SFMBT1: variants seen among roughly 807,000 people sequenced by gnomAD.
The protein encoded by SFMBT1 is scm-like with four MBT domains protein 1.
In SFMBT1, 32 loss-of-function variants were observed where a neutral mutation model predicts 108.7. The ratio of observed to expected loss-of-function variants is 0.29; its 90% CI spans 0.22 to 0.40. The LOEUF (loss-of-function observed/expected upper bound fraction) is 0.40. SFMBT1 is among the 10% of genes least tolerant of loss of function. SFMBT1 has a pLI of 1.00. For missense variants in SFMBT1, 816 were observed against 1,059.6 expected (o/e 0.77, Z 3.19); for synonymous variants, 348 against 369.5 (o/e 0.94, Z 0.67).
At chr3:52,916,074 G>C in intron 14 of SFMBT1, 76 bp downstream of exon 14, 2 of 1,267,572 alleles carry the variant, frequency 1.6e-6, no homozygotes, top group Non-Finnish European at 2.3e-6. Context: ...CAAATGTACT[G>C]TTTTAAGTTA....
rs183240576 is a variant in SFMBT1, at chr3:52,917,727, A to G, written c.1415+757T>C. On this transcript the variant is annotated intron_variant, in intron 13 of 20. Transcript: ENST00000394752. The stretch of plus-strand genomic sequence containing the variant: ...GTGTGAACCCCATTGTGAACTGTGC[A>G]TGTGAGGGATCTAGATTGCATGCCC... Among the ~76,000 whole-genome samples, 911 of 152,288 alleles carry G rather than the reference A, an allele frequency of 6.0e-3. 79 individuals carry two copies. The South Asian group carries it at 0.17, about 28-fold the overall frequency.
chr3:52,981,310 C>T (rs1704702456), intron 1 of SFMBT1, among the ~76,000 whole-genome samples: 1 of 152,050 alleles, frequency 6.6e-6, no homozygotes, highest in Non-Finnish European at 1.5e-5. Context: ...AAATGAGTTC[C>T]CCAATGCCAG....
chr3:52,920,436 T>C, intron 12 of SFMBT1, 101 bp downstream of exon 12: 1 of 802,450 alleles, frequency 1.2e-6, no homozygotes, highest in South Asian at 1.6e-5. Context: ...AACCAGAATG[T>C]CATTTTTTTT....
intron 1 of SFMBT1, among the ~76,000 whole-genome samples, chr3:53,023,100 G>A (rs1229912413): frequency 6.6e-6 from 1 of 152,150 alleles, no homozygotes; most frequent in Admixed American, 6.5e-5. Flanking sequence ...CATAAAGTGA[G>A]AAGAGGAAAA....
At chr3:52,921,657 C>T (rs764340685) in intron 11 of SFMBT1, 48 bp downstream of exon 11, 12 of 1,599,062 alleles carry the variant, frequency 7.5e-6, no homozygotes, top group Non-Finnish European at 1.0e-5. Flanking sequence ...AAACAGGAAG[C>T]TCAAAGGAGA....
At chr3:52,946,143 A>C (rs1444421388) in intron 3 of SFMBT1, among the ~76,000 whole-genome samples, 1 of 152,280 alleles carries the variant, frequency 6.6e-6, no homozygotes, top group Non-Finnish European at 1.5e-5. Context: ...AATATTCCAC[A>C]AATAGTTGAC....
intron 1 of SFMBT1, among the ~76,000 whole-genome samples, chr3:52,990,128 T>A (rs1298585486): frequency 6.6e-6 from 1 of 152,174 alleles, no homozygotes; most frequent in Non-Finnish European, 1.5e-5. Flanking sequence ...ATGGGCTTAG[T>A]TGGTCAAAAC....
intron 17 of SFMBT1, among the ~76,000 whole-genome samples, chr3:52,909,721 T>C (rs996373534): frequency 3.3e-5 from 5 of 152,212 alleles, no homozygotes; most frequent in Admixed American, 1.3e-4. Flanking sequence ...CCAAGTGACA[T>C]AGGGCTTGTA....
At chr3:52,998,007 G>A (rs181841801) in intron 1 of SFMBT1, among the ~76,000 whole-genome samples, 10 of 150,696 alleles carry the variant, frequency 6.6e-5, no homozygotes, top group Admixed American at 2.0e-4. Context: ...CACCTTAGAT[G>A]TATAGTTCTG....
At chr3:52,909,947 C>T (rs969585833) in intron 17 of SFMBT1, among the ~76,000 whole-genome samples, 1 of 152,188 alleles carries the variant, frequency 6.6e-6, no homozygotes, top group Non-Finnish European at 1.5e-5. Context: ...CATTGCTGCT[C>T]TTCAGAGACA....
At chr3:53,006,279 C>T (rs1421136361) in intron 1 of SFMBT1, among the ~76,000 whole-genome samples, 1 of 152,004 alleles carries the variant, frequency 6.6e-6, no homozygotes, top group East Asian at 1.9e-4. Context: ...ATGTTCAGGA[C>T]GGAATGGGGA....
intron 10 of SFMBT1, among the ~76,000 whole-genome samples, chr3:52,922,744 C>T (rs971382256): frequency 6.6e-6 from 1 of 152,164 alleles, no homozygotes; most frequent in South Asian, 2.1e-4. Context: ...TCCTTCCTCT[C>T]CCCTACAGAA....
At chr3:52,946,983 G>C (rs745612270) in intron 3 of SFMBT1, among the ~76,000 whole-genome samples, 26 of 151,918 alleles carry the variant, frequency 1.7e-4, no homozygotes, top group Non-Finnish European at 3.1e-4. Context: ...TATTGGCCAG[G>C]CTGGTCTCTA....
intron 3 of SFMBT1, among the ~76,000 whole-genome samples, chr3:52,952,462 T>C (rs542397264): frequency 6.6e-6 from 1 of 152,180 alleles, no homozygotes; most frequent in African/African-American, 2.4e-5. Flanking sequence ...GTATGACTGT[T>C]TGGATATAGG....
chr3:52,959,996 T>C (rs1703907339), intron 2 of SFMBT1, among the ~76,000 whole-genome samples: 1 of 151,952 alleles, frequency 6.6e-6, no homozygotes, highest in Non-Finnish European at 1.5e-5. Flanking sequence ...AATATAAGGA[T>C]GTTCATCACA....
At position 52,969,042 on chromosome 3, in the gene SFMBT1, A is replaced by C; in HGVS notation, c.28+59T>G. The stretch of plus-strand genomic sequence containing the variant: ...GTGGTAGAGAAACAGACAATATAAC[A>C]CAGGCAAGTAATATAATTGTGCATC... On this transcript the variant is annotated intron_variant, in intron 2 of 20. Coordinates refer to ENST00000394752, the MANE Select transcript of SFMBT1 (RefSeq NM_016329.4). 2.5e-6 allele frequency: 4 copies of C among 1,591,504 alleles called. No homozygotes were observed. In the South Asian group the frequency reaches 4.4e-5, roughly 18 times the overall value.
chr3:52,982,269 T>C (rs1442472488), intron 1 of SFMBT1, among the ~76,000 whole-genome samples: 1 of 152,126 alleles, frequency 6.6e-6, no homozygotes, highest in Non-Finnish European at 1.5e-5. Context: ...ATTCCATTGT[T>C]ATAGAAAAAG....
rs1355834443 is a variant in SFMBT1 at position 52,911,154 on chromosome 3, A to G, written c.1755T>C (p.Ala585=). The change falls in exon 17 of 21, where the codon GCT becomes GCC. Residue 585 remains alanine, a synonymous_variant. Coordinates refer to ENST00000394752, the MANE Select transcript of SFMBT1 (RefSeq NM_016329.4). ...KAKYKGKSYR[A]TVEIVKTADR... The stretch of plus-strand genomic sequence containing the variant: ...CTGCTGTTTTCACTATCTCAACAGT[A>G]GCCCGATAACTCTTTCCTTTATATC... The G allele has an allele frequency of 6.2e-7, 1 of 1,612,494 alleles. No homozygotes were observed. The highest frequency in any genetic ancestry group is 1.1e-5 in the South Asian group (1 of 90,720).
At chr3:52,969,339 T>C in intron 1 of SFMBT1, 81 bp from the exon 2 acceptor site, 2 of 1,362,992 alleles carry the variant, frequency 1.5e-6, no homozygotes, top group Non-Finnish European at 1.9e-6. Context: ...ACTCGACTGG[T>C]TGAGAGATGA....
Sources: allele counts gnomAD v4.1 joint callset (sites outside exome capture counted in the v4.1 genomes callset), GRCh38; gene constraint gnomAD v4.1.1; transcripts MANE v1.5; gene names NCBI Gene and HGNC (gene_info 2026-07-23, HGNC 2026-07-21).